Variants in CCDC171 observed in about 807,000 individuals in gnomAD.
CCDC171 encodes coiled-coil domain-containing protein 171.
CCDC171 carries 177 observed loss-of-function variants against 168.2 expected under a neutral mutation model. The observed-to-expected ratio is 1.05, with a 90% CI of 0.93 to 1.19. The LOEUF (loss-of-function observed/expected upper bound fraction) is 1.19. Among genes scored for constraint, CCDC171 ranks in the 50% most tolerant of loss-of-function variants. The pLI, the probability that CCDC171 is intolerant of heterozygous loss-of-function variation, is 0.00. For synonymous variants in CCDC171, 687 were observed against 540.8 expected (o/e 1.27, Z -3.75); for missense variants, 1,991 against 1,539.0 (o/e 1.29, Z -4.91).
At chr9:16,099,198 C>T in the CCDC171 span, among the ~76,000 whole-genome samples, 5 of 152,162 alleles carry the variant, frequency 3.3e-5, no homozygotes, top group African/African-American at 1.2e-4. Context: ...TAATAAAGCA[C>T]CACCAGGCTT....
At chr9:15,598,571 A>T (rs910972985) in intron 6 of CCDC171, among the ~76,000 whole-genome samples, 1 of 152,086 alleles carries the variant, frequency 6.6e-6, no homozygotes, top group African/African-American at 2.4e-5. Context: ...ACTTCCAACT[A>T]TGTGGTCAAT....
chr9:15,785,543 C>G (rs2057902684), intron 21 of CCDC171, among the ~76,000 whole-genome samples: 1 of 151,996 alleles, frequency 6.6e-6, no homozygotes, highest in Non-Finnish European at 1.5e-5. Context: ...TACTTTAAAA[C>G]ACTTATGTAC....
chr9:15,593,302 C>G (rs1469066276), intron 5 of CCDC171, among the ~76,000 whole-genome samples: 2 of 152,046 alleles, frequency 1.3e-5, no homozygotes, highest in Non-Finnish European at 2.9e-5. Context: ...ATTTTAAACC[C>G]TATAGTTAGA....
rs748029224 is a variant in CCDC171 at position 15,971,784 on chromosome 9, C to T, written c.3929C>T (p.Ser1310Phe). The change falls in exon 26 of 26, where the codon TCT (serine) becomes TTT (phenylalanine). Residue 1310 changes from serine to phenylalanine, a missense_variant. By Grantham distance (155) the Ser-to-Phe change is radical (BLOSUM62 -2). Transcript: ENST00000380701. ...VPHALTSSHS[S>F]PVTMSANANR... is the part of the protein sequence containing the mutation. ...CATGCTCTGACATCATCTCACTCCTCTCCAGTGACTATGTCTGCTAATGCC... is the reference window on the plus strand; with the variant it reads ...CATGCTCTGACATCATCTCACTCCTTTCCAGTGACTATGTCTGCTAATGCC... 8.7e-6 allele frequency: 14 copies of T among 1,613,994 alleles called. No homozygotes were observed. The highest frequency in any genetic ancestry group is 1.2e-5 in the Non-Finnish European group (14 of 1,179,898).
intron 1 of CCDC171, among the ~76,000 whole-genome samples, chr9:16,047,686 C>T (rs554205159): frequency 2.0e-5 from 3 of 152,320 alleles, no homozygotes; most frequent in East Asian, 1.9e-4. Context: ...GTCAGGAGCA[C>T]GTGGATTTGA....
At chr9:15,658,905 G>A (rs2048124372) in intron 8 of CCDC171, among the ~76,000 whole-genome samples, 2 of 152,166 alleles carry the variant, frequency 1.3e-5, no homozygotes, top group Admixed American at 1.3e-4. Context: ...TAATAGCAGT[G>A]ATTGGAAAGG....
At chr9:16,036,951 T>C (rs1257586557) in intron 8 of CCDC171, among the ~76,000 whole-genome samples, 2 of 152,184 alleles carry the variant, frequency 1.3e-5, no homozygotes, top group Admixed American at 1.3e-4. Flanking sequence ...ATGTTTTCAT[T>C]TGTGGGAGCT....
the CCDC171 span, among the ~76,000 whole-genome samples, chr9:16,076,023 T>G: frequency 6.6e-6 from 1 of 152,214 alleles, no homozygotes; most frequent in Non-Finnish European, 1.5e-5. Flanking sequence ...AAAATCAATT[T>G]GAAGAACAGT....
chr9:15,563,004 A>T (rs2039435985), intron 1 of CCDC171, among the ~76,000 whole-genome samples: 1 of 152,004 alleles, frequency 6.6e-6, no homozygotes, highest in Non-Finnish European at 1.5e-5. Flanking sequence ...GAGGATAATA[A>T]CCCTCACGTA....
chr9:15,647,790 C>G (rs201999876), intron 7 of CCDC171, among the ~76,000 whole-genome samples: 1 of 152,036 alleles, frequency 6.6e-6, no homozygotes, highest in Non-Finnish European at 1.5e-5. Context: ...CAGGACCAGA[C>G]GATTCACAGC....
At position 15,887,632 on chromosome 9, in the gene CCDC171, A is replaced by C. The variant is rs139129862; in HGVS notation, c.3600+12969A>C. ...CTACACGTTTGTAGACACTAAGCCAAAACCCAAATCAACTCTTTATCTGAA... is the reference window on the plus strand; with the variant it reads ...CTACACGTTTGTAGACACTAAGCCACAACCCAAATCAACTCTTTATCTGAA... On this transcript the variant is annotated intron_variant, in intron 24 of 25. Coordinates refer to ENST00000380701, the MANE Select transcript of CCDC171 (RefSeq NM_173550.4). Among the ~76,000 whole-genome samples the C allele has an allele frequency of 7.6e-4, 115 of 152,298 alleles. 1 individual carries two copies. The highest frequency in any genetic ancestry group is 2.6e-3 in the African/African-American group (110 of 41,554).
At chr9:15,722,019 T>C in intron 12 of CCDC171, 144 bp downstream of exon 12, 1 of 364,508 alleles carries the variant, frequency 2.7e-6, no homozygotes, top group South Asian at 1.2e-4. Context: ...TATCTTTCGC[T>C]GTTCTTTCTT....
intron 24 of CCDC171, among the ~76,000 whole-genome samples, chr9:15,878,378 T>C (rs1254436371): frequency 2.0e-5 from 3 of 151,140 alleles, no homozygotes; most frequent in African/African-American, 7.3e-5. Flanking sequence ...AAAAAAAAAC[T>C]CAACAACATT....
chr9:15,579,719 A>G lies in CCDC171; in HGVS notation c.352+696A>G, dbSNP rs76896575. ...TGCCACTTTTTTGTACTTTATATGAATGGAATCATAAAGTATATATTCTTT... is the reference window on the plus strand; with the variant it reads ...TGCCACTTTTTTGTACTTTATATGAGTGGAATCATAAAGTATATATTCTTT... On this transcript the variant is annotated intron_variant, in intron 4 of 25. Transcript: ENST00000380701. 6.0e-4 allele frequency among the ~76,000 whole-genome samples: 91 copies of G among 152,306 alleles called. No homozygotes were observed. In the East Asian group the frequency reaches 0.017, roughly 28 times the overall value.
At position 15,721,870 on chromosome 9, in the gene CCDC171, A is replaced by G. The variant is rs775227843; in HGVS notation, c.1420A>G (p.Asn474Asp). Residue 474 changes from asparagine (N) to aspartate (D), a missense_variant, in exon 12 of 26, where the codon AAT becomes GAT. Asn to Asp is a conservative substitution (Grantham distance 23, BLOSUM62 1). Transcript: ENST00000380701. Reference sequence around the variant, plus strand: ...CCAGAACAAGCTGGAAGATGCATCTAATGAGGTAACACTTGCACTGTTTGG... The same window carrying G: ...CCAGAACAAGCTGGAAGATGCATCTGATGAGGTAACACTTGCACTGTTTGG... ...DYQNKLEDAS[N>D]EEKACNELDS... 8 of 1,536,718 alleles carry G rather than the reference A, an allele frequency of 5.2e-6. No homozygotes were observed. Among genetic ancestry groups the G allele is most frequent in the Middle Eastern group, 3.4e-4 (2 of 5,854 alleles).
chr9:16,095,502 C>G, the CCDC171 span, among the ~76,000 whole-genome samples: 4 of 147,512 alleles, frequency 2.7e-5, no homozygotes, highest in Non-Finnish European at 4.4e-5. Context: ...TCTCTCTTTC[C>G]GTCTCTGTCT....
At chr9:15,893,977 G>A (rs1820550389) in intron 24 of CCDC171, among the ~76,000 whole-genome samples, 1 of 152,090 alleles carries the variant, frequency 6.6e-6, no homozygotes, top group Non-Finnish European at 1.5e-5. Context: ...ACATGCACAC[G>A]TATGTTCGTT....
chr9:15,617,378 G>A (rs1482863254), intron 6 of CCDC171, among the ~76,000 whole-genome samples: 1 of 150,262 alleles, frequency 6.7e-6, no homozygotes, highest in African/African-American at 2.4e-5. Context: ...TTTGTGGGAG[G>A]GTTTTTTTTT....
At chr9:15,719,268 C>T (rs964891684) in intron 11 of CCDC171, among the ~76,000 whole-genome samples, 22 of 151,330 alleles carry the variant, frequency 1.5e-4, no homozygotes, top group Non-Finnish European at 7.4e-5. Context: ...GACAGGTATT[C>T]GAAAATACAC....
Sources: gnomAD v4.1 joint callset for allele counts (sites outside exome capture counted in the v4.1 genomes callset) on GRCh38, gnomAD v4.1.1 for gene constraint, MANE v1.5 for transcripts, NCBI Gene and HGNC (gene_info 2026-07-23, HGNC 2026-07-21) for gene names.